The following REDIC1 variants were observed in gnomAD, a reference collection of about 807,000 sequenced individuals.
REDIC1 encodes HEI10 Interacting Protein 1.
the REDIC1 span, among the ~76,000 whole-genome samples, chr12:39,749,709 CT>C: frequency 6.6e-6 from 1 of 152,140 alleles, no homozygotes; most frequent in Non-Finnish European, 1.5e-5. Context: ...CATCAAAAAG[CT>C]TATCCACCAT....
the REDIC1 span, among the ~76,000 whole-genome samples, chr12:39,824,429 G>C: frequency 6.6e-6 from 1 of 152,222 alleles, no homozygotes; most frequent in Non-Finnish European, 1.5e-5. Context: ...CCATCCAAGA[G>C]GGTCTCCATC....
the REDIC1 span, among the ~76,000 whole-genome samples, chr12:39,712,581 A>ACG: frequency 0.012 from 1,705 of 144,318 alleles, 38 homozygotes; most frequent in African/African-American, 0.04. Context: ...ATACGTATAT[A>ACG]TGTATATACG....
chr12:39,780,793 A>C, the REDIC1 span, among the ~76,000 whole-genome samples: 3 of 152,200 alleles, frequency 2.0e-5, no homozygotes, highest in African/African-American at 7.2e-5. Flanking sequence ...ACATGGAGCT[A>C]CATAATGATT....
At chr12:39,794,725 T>C in the REDIC1 span, among the ~76,000 whole-genome samples, 1 of 152,192 alleles carries the variant, frequency 6.6e-6, no homozygotes, top group Non-Finnish European at 1.5e-5. Flanking sequence ...TGTGAACATA[T>C]TCTGGTTCTG....
chr12:39,673,108 A>G, the REDIC1 span, among the ~76,000 whole-genome samples: 13 of 152,002 alleles, frequency 8.6e-5, no homozygotes, highest in African/African-American at 2.7e-4. Flanking sequence ...TGGCTCTGCT[A>G]TTGTAGGGAG....
the REDIC1 span, chr12:39,682,885 A>C: frequency 2.5e-6 from 4 of 1,612,912 alleles, no homozygotes; most frequent in South Asian, 3.3e-5. Context: ...AACATTTAAC[A>C]AGTGTGATTA....
the REDIC1 span, among the ~76,000 whole-genome samples, chr12:39,892,746 TA>T: frequency 6.6e-6 from 1 of 152,108 alleles, no homozygotes; most frequent in Non-Finnish European, 1.5e-5. Context: ...TGTTCCAAAG[TA>T]GTGACAGAAA....
chr12:39,826,398 T>C, the REDIC1 span, among the ~76,000 whole-genome samples: 2 of 151,966 alleles, frequency 1.3e-5, no homozygotes, highest in East Asian at 3.9e-4. Context: ...TACAACTGTG[T>C]TTAATTGGTT....
At chr12:39,648,570 G>C in the REDIC1 span, among the ~76,000 whole-genome samples, 1 of 151,312 alleles carries the variant, frequency 6.6e-6, no homozygotes, top group Non-Finnish European at 1.5e-5. Context: ...ATCAGTCATA[G>C]AGCATACCAG....
At chr12:39,737,852 T>G in the REDIC1 span, among the ~76,000 whole-genome samples, 1 of 152,232 alleles carries the variant, frequency 6.6e-6, no homozygotes. Flanking sequence ...CCAGAACTTA[T>G]GCCTTGCTTG....
chr12:39,728,888 G>A, the REDIC1 span, among the ~76,000 whole-genome samples: 1 of 151,434 alleles, frequency 6.6e-6, no homozygotes, highest in East Asian at 1.9e-4. Flanking sequence ...TTGGTCTTGG[G>A]AGGGTGTATG....
the REDIC1 span, among the ~76,000 whole-genome samples, chr12:39,873,327 A>C: frequency 6.6e-6 from 1 of 152,234 alleles, no homozygotes; most frequent in Non-Finnish European, 1.5e-5. Context: ...TTTTGCAGTC[A>C]GAGTGTAAAG....
the REDIC1 span, among the ~76,000 whole-genome samples, chr12:39,810,721 T>TGA: frequency 6.6e-6 from 1 of 152,160 alleles, no homozygotes; most frequent in Non-Finnish European, 1.5e-5. Context: ...TCTGTATGTA[T>TGA]TAAGATGATC....
At chr12:39,830,318 C>T in the REDIC1 span, 1 of 1,522,646 alleles carries the variant, frequency 6.6e-7, no homozygotes, top group Non-Finnish European at 8.8e-7. Flanking sequence ...GCATTTTCCA[C>T]TCTCTTGTGC....
chr12:39,822,890 G>A, the REDIC1 span, among the ~76,000 whole-genome samples: 3 of 152,218 alleles, frequency 2.0e-5, no homozygotes, highest in African/African-American at 7.2e-5. Flanking sequence ...TAAATGTCAA[G>A]TAAGAAATTC....
chr12:39,840,981 C>G, the REDIC1 span, among the ~76,000 whole-genome samples: 1 of 152,072 alleles, frequency 6.6e-6, no homozygotes, highest in Non-Finnish European at 1.5e-5. Context: ...ATGAAGATAA[C>G]AAGATTGAAG....
the REDIC1 span, among the ~76,000 whole-genome samples, chr12:39,884,909 A>C: frequency 6.6e-6 from 1 of 152,220 alleles, no homozygotes; most frequent in African/African-American, 2.4e-5. Context: ...AGGATCATAC[A>C]TGGGGAGAAC....
At chr12:39,786,867 G>T in the REDIC1 span, among the ~76,000 whole-genome samples, 2 of 152,158 alleles carry the variant, frequency 1.3e-5, no homozygotes, top group Non-Finnish European at 2.9e-5. Flanking sequence ...TTTAGTAAAT[G>T]ACTTATTTTG....
At chr12:39,688,180 C>T in the REDIC1 span, among the ~76,000 whole-genome samples, 1 of 151,480 alleles carries the variant, frequency 6.6e-6, no homozygotes, top group African/African-American at 2.4e-5. Flanking sequence ...GACATGGAAC[C>T]TGTCTTTAAG....
Sources: gnomAD v4.1 joint callset for allele counts (sites outside exome capture counted in the v4.1 genomes callset) on GRCh38, gnomAD v4.1.1 for gene constraint, MANE v1.5 for transcripts, NCBI Gene and HGNC (gene_info 2026-07-23, HGNC 2026-07-21) for gene names.